The following SYTL5 variants were observed in gnomAD, a reference collection of about 807,000 sequenced individuals.
SYTL5 encodes the protein synaptotagmin like 5.
SYTL5 carries 34 observed loss-of-function variants against 55.9 expected under a neutral mutation model. The observed-to-expected ratio is 0.61, with a 90% CI of 0.46 to 0.81. The LOEUF (loss-of-function observed/expected upper bound fraction) is 0.81. Ranked by LOEUF, SYTL5 falls within the 30% of genes least tolerant of loss-of-function variation. The pLI, the probability that SYTL5 is intolerant of heterozygous loss-of-function variation, is 0.00. For synonymous variants in SYTL5, 221 were observed against 188.7 expected, an observed-to-expected ratio of 1.17 and a Z score of -1.40; for missense variants, 637 against 546.7, an observed-to-expected ratio of 1.17 and a Z score of -1.65.
chrX:38,009,915 A>G (rs970052988), intron 1 of SYTL5, among the ~76,000 whole-genome samples: 1 of 112,277 alleles, frequency 8.9e-6, no homozygotes, highest in African/African-American at 3.2e-5. Context: ...TGAACTATGA[A>G]GAACTATATA....
At chrX:38,119,361 T>C (rs1937544171) in intron 13 of SYTL5, among the ~76,000 whole-genome samples, 1 of 112,018 alleles carries the variant, frequency 8.9e-6, no homozygotes, top group Non-Finnish European at 1.9e-5. Flanking sequence ...CCCTAACTTC[T>C]AGCAACCACT....
chrX:38,078,067 T>C (rs762373390), intron 6 of SYTL5, among the ~76,000 whole-genome samples: 4 of 111,485 alleles, frequency 3.6e-5, no homozygotes, highest in African/African-American at 6.5e-5. Context: ...CATTTTTGTT[T>C]TTCATAGTTG....
the SYTL5 span, among the ~76,000 whole-genome samples, chrX:37,906,803 T>A: frequency 2.7e-5 from 3 of 112,184 alleles, no homozygotes; most frequent in Non-Finnish European, 5.6e-5. Context: ...TATTTTCAGA[T>A]ATGCTCCAAA....
the SYTL5 span, among the ~76,000 whole-genome samples, chrX:37,917,526 A>G: frequency 8.9e-6 from 1 of 111,886 alleles, no homozygotes; most frequent in Admixed American, 9.5e-5. Context: ...TACATACAGA[A>G]TTTGTTTCAC....
intron 1 of SYTL5, among the ~76,000 whole-genome samples, chrX:38,019,267 A>G (rs1362138940): frequency 1.8e-5 from 2 of 112,061 alleles, no homozygotes; most frequent in Admixed American, 9.5e-5. Context: ...TAAAGTCCAT[A>G]TTCTTTGTTT....
At chrX:38,075,256 A>G (rs1936360303) in intron 5 of SYTL5, among the ~76,000 whole-genome samples, 1 of 111,872 alleles carries the variant, frequency 8.9e-6, no homozygotes, top group South Asian at 3.8e-4. Context: ...TCAGTCATCA[A>G]GGAATATAAC....
chrX:37,976,164 G>A, the SYTL5 span, among the ~76,000 whole-genome samples: 1 of 112,277 alleles, frequency 8.9e-6, no homozygotes, highest in Non-Finnish European at 1.9e-5. Flanking sequence ...TATCTTTAAG[G>A]GTGTCATCTA....
chrX:37,954,116 C>T, the SYTL5 span, among the ~76,000 whole-genome samples: 1 of 111,321 alleles, frequency 9.0e-6, no homozygotes, highest in Non-Finnish European at 1.9e-5. Context: ...GTCCTCTGAA[C>T]CTATGATGAG....
the SYTL5 span, among the ~76,000 whole-genome samples, chrX:37,907,961 C>T: frequency 1.5e-3 from 167 of 109,764 alleles, no homozygotes; most frequent in Non-Finnish European, 2.5e-3. Flanking sequence ...TGTAATACTA[C>T]AGAAGTTTAG....
rs771508051 is a variant in SYTL5 at position 38,108,887 on chromosome X, T to TA, written c.1434+189dup. On this transcript the variant is annotated intron_variant, in intron 12 of 16. Coordinates refer to ENST00000297875, the MANE Select transcript of SYTL5 (RefSeq NM_138780.3). Reference sequence around the variant, plus strand: ...TCTTTTGAGAAAAAGAAAACACTCTTACTCTATTTAAGTCTACGCTGCTAC... The same window carrying TA: ...TCTTTTGAGAAAAAGAAAACACTCTTAACTCTATTTAAGTCTACGCTGCTAC... Among the ~76,000 whole-genome samples the TA allele has an allele frequency of 3.3e-4, 37 of 112,577 alleles. No homozygotes were observed. The East Asian group carries it at 9.7e-3, about 30-fold the overall frequency.
the SYTL5 span, among the ~76,000 whole-genome samples, chrX:37,894,742 T>C: frequency 5.4e-5 from 6 of 111,664 alleles, no homozygotes; most frequent in African/African-American, 9.8e-5. Flanking sequence ...CTCTCACCAA[T>C]GTGGGTGGGC....
chrX:38,018,440 A>T (rs184270007), intron 1 of SYTL5, among the ~76,000 whole-genome samples: 20 of 111,950 alleles, frequency 1.8e-4, no homozygotes, highest in Non-Finnish European at 3.8e-4. Context: ...TAAACAGTTT[A>T]TGGGAAGTTT....
the SYTL5 span, among the ~76,000 whole-genome samples, chrX:37,973,778 G>T: frequency 1.8e-5 from 2 of 110,488 alleles, no homozygotes; most frequent in African/African-American, 6.6e-5. Flanking sequence ...GGGATTACAG[G>T]CACCCACCAC....
intron 2 of SYTL5, among the ~76,000 whole-genome samples, chrX:38,048,026 A>C (rs1181322808): frequency 9.1e-6 from 1 of 109,927 alleles, no homozygotes; most frequent in Non-Finnish European, 1.9e-5. Context: ...CTCTACTAAA[A>C]ATACAAAAAA....
At chrX:37,963,372 T>G in the SYTL5 span, among the ~76,000 whole-genome samples, 5 of 105,579 alleles carry the variant, frequency 4.7e-5, no homozygotes, top group Non-Finnish European at 7.8e-5. Flanking sequence ...CACTGCAACC[T>G]CTGCCTCTTG....
chrX:38,107,127 A>G (rs183944354), intron 11 of SYTL5, among the ~76,000 whole-genome samples: 132 of 112,083 alleles, frequency 1.2e-3, no homozygotes, highest in African/African-American at 4.1e-3. Flanking sequence ...ACTGTTACCC[A>G]ATTAAACAAC....
chrX:38,101,693 G>A (rs896450104), intron 9 of SYTL5, among the ~76,000 whole-genome samples: 1 of 109,961 alleles, frequency 9.1e-6, no homozygotes, highest in Non-Finnish European at 1.9e-5. Context: ...ATATATATAT[G>A]TGATGATATA....
At chrX:37,924,807 T>C in the SYTL5 span, among the ~76,000 whole-genome samples, 2 of 111,718 alleles carry the variant, frequency 1.8e-5, no homozygotes, top group Admixed American at 9.5e-5. Flanking sequence ...CTGTATACAA[T>C]GTGTAATGAT....
intron 6 of SYTL5, among the ~76,000 whole-genome samples, chrX:38,082,932 G>A (rs916289240): frequency 8.9e-6 from 1 of 112,350 alleles, no homozygotes; most frequent in Non-Finnish European, 1.9e-5. Flanking sequence ...GGATGTAGAT[G>A]GCTTTGGATG....
Sources: gnomAD v4.1 joint callset for allele counts (sites outside exome capture counted in the v4.1 genomes callset) on GRCh38, gnomAD v4.1.1 for gene constraint, MANE v1.5 for transcripts, NCBI Gene and HGNC (gene_info 2026-07-23, HGNC 2026-07-21) for gene names.